Variants in SGCD observed in about 807,000 individuals in gnomAD.
SGCD encodes delta-sarcoglycan.
In SGCD, 18 loss-of-function variants were observed where a neutral mutation model predicts 36.6. The observed-to-expected ratio is 0.49, with a 90% CI of 0.34 to 0.73. The LOEUF is 0.73. Ranked by LOEUF, SGCD falls within the 30% of genes least tolerant of loss-of-function variation. The probability of loss-of-function intolerance (pLI) is 0.01; values close to 1 mark genes in which losing one functional copy is unlikely to be tolerated. For synonymous variants in SGCD, 133 were observed against 130.6 expected (o/e 1.02, Z -0.12); for missense variants, 387 against 346.7 (o/e 1.12, Z -0.92).
intron 3 of SGCD, among the ~76,000 whole-genome samples, chr5:156,244,848 C>G (rs1404964254): frequency 6.6e-6 from 1 of 152,112 alleles, no homozygotes; most frequent in Admixed American, 6.5e-5. Flanking sequence ...CATAGATACC[C>G]ATGACCCAGA....
chr5:156,328,446 G>T (rs1206005568), intron 1 of SGCD, among the ~76,000 whole-genome samples: 1 of 152,202 alleles, frequency 6.6e-6, no homozygotes, highest in Non-Finnish European at 1.5e-5. Flanking sequence ...TCTTAGGGTG[G>T]ATCTCTGTGA....
intron 3 of SGCD, among the ~76,000 whole-genome samples, chr5:156,374,882 C>T (rs1170409356): frequency 1.3e-5 from 2 of 152,164 alleles, no homozygotes; most frequent in Non-Finnish European, 2.9e-5. Flanking sequence ...TGTCATTCAG[C>T]TCTGAGAATA....
At position 156,753,756 on chromosome 5, in the gene SGCD, C is replaced by T. The variant is rs534937811; in HGVS notation, c.576-3825C>T. Among the ~76,000 whole-genome samples the T allele has an allele frequency of 2.6e-5, 4 of 152,238 alleles. No individual in the cohort carries two copies. The East Asian group carries it at 7.7e-4, about 29-fold the overall frequency. On this transcript the variant is annotated intron_variant, in intron 7 of 8. Transcript: ENST00000337851. ...ATAAAACCATCAGATCTCATGAGAA[C>T]TCACCATCATGAGAACAGCATGGGG... is the stretch of plus-strand genomic sequence containing the variant.
At chr5:156,504,381 GGTGT>G (rs1304140370) in intron 3 of SGCD, among the ~76,000 whole-genome samples, 15 of 121,860 alleles carry the variant, frequency 1.2e-4, no homozygotes, top group Non-Finnish European at 2.3e-4. Flanking sequence ...AGTATATGTG[GGTGT>G]GTGTGTGTAT....
intron 4 of SGCD, among the ~76,000 whole-genome samples, chr5:156,558,002 CTAATAT>C (rs937950996): frequency 1.3e-5 from 2 of 148,292 alleles, no homozygotes; most frequent in African/African-American, 5.0e-5. Context: ...TTCCCAGTGC[CTAATAT>C]TAATACCTGG....
the SGCD span, among the ~76,000 whole-genome samples, chr5:155,769,158 A>G: frequency 1.3e-5 from 2 of 152,088 alleles, no homozygotes; most frequent in South Asian, 4.1e-4. Context: ...TAAAGAAGTG[A>G]ATTAGAGAAC....
At chr5:156,531,472 C>A (rs143680732) in intron 4 of SGCD, among the ~76,000 whole-genome samples, 14 of 152,190 alleles carry the variant, frequency 9.2e-5, no homozygotes, top group Non-Finnish European at 1.9e-4. Flanking sequence ...GATGACTAAC[C>A]CCAATGCAAT....
intron 8 of SGCD, chr5:156,758,056 T>C: frequency 2.0e-6 from 2 of 978,206 alleles, no homozygotes; most frequent in African/African-American, 3.4e-5. Context: ...TGGCTCAAGA[T>C]GAACTTAATT....
intron 1 of SGCD, among the ~76,000 whole-genome samples, chr5:156,078,657 T>C (rs927711467): frequency 6.7e-6 from 1 of 148,218 alleles, no homozygotes; most frequent in Non-Finnish European, 1.5e-5. Context: ...CACACACACA[T>C]ATATATACAC....
intron 3 of SGCD, among the ~76,000 whole-genome samples, chr5:156,229,012 A>G (rs1664045263): frequency 6.6e-6 from 1 of 151,896 alleles, no homozygotes. Context: ...CAGTGCAACT[A>G]GAATATAAGC....
At chr5:155,867,917 T>A (rs1755553047), upstream of SGCD, among the ~76,000 whole-genome samples, 2 of 152,212 alleles carry the variant, frequency 1.3e-5, no homozygotes, top group Admixed American at 6.5e-5. Context: ...GAGTCAGTCC[T>A]GGATCCCCAG....
chr5:155,992,951 C>T (rs191916262), intron 1 of SGCD, among the ~76,000 whole-genome samples: 2 of 152,292 alleles, frequency 1.3e-5, no homozygotes, highest in African/African-American at 4.8e-5. Context: ...CAGAGTCATG[C>T]TCTAGCTTCT....
At chr5:156,455,618 G>A (rs1309234331) in intron 3 of SGCD, among the ~76,000 whole-genome samples, 2 of 152,060 alleles carry the variant, frequency 1.3e-5, no homozygotes, top group African/African-American at 4.8e-5. Context: ...ACCCTTGCCT[G>A]GAGCCTTGCA....
chr5:156,030,456 T>C (rs1039006371), intron 1 of SGCD, among the ~76,000 whole-genome samples: 1 of 152,144 alleles, frequency 6.6e-6, no homozygotes. Context: ...CAGCAAGGAT[T>C]GCTGGCAGCA....
At chr5:156,000,815 T>TATATATATATATATATATATATA (rs200807025) in intron 1 of SGCD, among the ~76,000 whole-genome samples, 1 of 151,608 alleles carries the variant, frequency 6.6e-6, no homozygotes, top group African/African-American at 2.4e-5. Context: ...TATATATATA[T>TATATATATATATATATATATATA]TTTTGCCCTC....
At chr5:156,373,646 A>G (rs1405556622) in intron 3 of SGCD, among the ~76,000 whole-genome samples, 1 of 152,228 alleles carries the variant, frequency 6.6e-6, no homozygotes, top group Non-Finnish European at 1.5e-5. Context: ...TCTGACTTTA[A>G]TAATAATGTT....
chr5:155,911,147 C>G (rs1756621604), intron 1 of SGCD, among the ~76,000 whole-genome samples: 1 of 152,006 alleles, frequency 6.6e-6, no homozygotes, highest in African/African-American at 2.4e-5. Context: ...AATAGTGTCT[C>G]AAAGTATCCA....
At chr5:156,151,170 A>C (rs1179842191) in intron 3 of SGCD, among the ~76,000 whole-genome samples, 1 of 151,610 alleles carries the variant, frequency 6.6e-6, no homozygotes, top group East Asian at 1.9e-4. Context: ...CAGACACAAG[A>C]AATTCCTGCT....
At chr5:156,135,436 C>G (rs1029172037) in intron 3 of SGCD, among the ~76,000 whole-genome samples, 4 of 152,182 alleles carry the variant, frequency 2.6e-5, no homozygotes, top group African/African-American at 7.2e-5. Context: ...ACCCCTCTTC[C>G]CTGTAGCCTT....
Sources: allele counts gnomAD v4.1 joint callset (sites outside exome capture counted in the v4.1 genomes callset), GRCh38; gene constraint gnomAD v4.1.1; transcripts MANE v1.5; gene names NCBI Gene and HGNC (gene_info 2026-07-23, HGNC 2026-07-21).